The following ADK variants were observed in gnomAD, a reference collection of about 807,000 sequenced individuals.
The protein encoded by ADK is adenosine kinase.
Under a neutral mutation model 44.7 loss-of-function variants are expected in ADK, and 24 were observed. The observed-to-expected ratio is 0.54, with a 90% confidence interval of 0.39 to 0.76. The LOEUF (loss-of-function observed/expected upper bound fraction) is 0.76. Ranked by LOEUF, ADK falls within the 30% of genes least tolerant of loss-of-function variation. The pLI is 0.00. For missense variants in ADK, 321 were observed against 425.1 expected (o/e 0.76, Z 2.15); for synonymous variants, 128 against 142.6 (o/e 0.90, Z 0.73).
rs143065597 is a variant in ADK, at chr10:74,666,096, A to G, written c.878-4087A>G. Among the ~76,000 whole-genome samples, 768 of 152,314 alleles carry G rather than the reference A, an allele frequency of 5.0e-3. 8 individuals are homozygous for G. The highest frequency in any genetic ancestry group is 0.018 in the African/African-American group (730 of 41,566). On this transcript the variant is annotated intron_variant, in intron 9 of 10. Coordinates refer to ENST00000539909, the MANE Select transcript of ADK (RefSeq NM_006721.4). ...TGGATTTGTATTATTGTTCAATTAG[A>G]TATTGTGGCAATTGTAGAAACTTAA... is the stretch of plus-strand genomic sequence containing the variant.
At chr10:74,593,058 T>G (rs1181062338) in intron 8 of ADK, among the ~76,000 whole-genome samples, 2 of 152,184 alleles carry the variant, frequency 1.3e-5, no homozygotes, top group African/African-American at 4.8e-5. Context: ...CAGTGTTGAT[T>G]ACCAAAGAAT....
intron 7 of ADK, among the ~76,000 whole-genome samples, chr10:74,586,868 A>ATATATATAT (rs201524792): frequency 6.6e-6 from 1 of 150,592 alleles, no homozygotes; most frequent in African/African-American, 2.5e-5. Context: ...AAAAAAAAAA[A>ATATATATAT]ATATATATGT....
intron 4 of ADK, among the ~76,000 whole-genome samples, chr10:74,348,284 A>C (rs185728042): frequency 1.1e-3 from 166 of 152,298 alleles, no homozygotes; most frequent in African/African-American, 3.9e-3. Flanking sequence ...GGTGATACTC[A>C]GGCAAACAGG....
chr10:74,606,746 T>C (rs1223696300), intron 9 of ADK, among the ~76,000 whole-genome samples: 1 of 152,192 alleles, frequency 6.6e-6, no homozygotes, highest in Non-Finnish European at 1.5e-5. Context: ...AGATGTCTAT[T>C]AGGTCTGCTT....
intron 6 of ADK, among the ~76,000 whole-genome samples, chr10:74,429,396 A>G (rs1844903350): frequency 1.3e-5 from 2 of 152,232 alleles, no homozygotes; most frequent in African/African-American, 4.8e-5. Flanking sequence ...AACTTGCAAC[A>G]AACTATCCCA....
intron 3 of ADK, among the ~76,000 whole-genome samples, chr10:74,252,200 A>C (rs1429614385): frequency 6.6e-6 from 1 of 152,144 alleles, no homozygotes; most frequent in East Asian, 1.9e-4. Context: ...GGTCAGGATA[A>C]AACCAAAACA....
intron 6 of ADK, among the ~76,000 whole-genome samples, chr10:74,470,270 C>T (rs1437893156): frequency 9.9e-5 from 15 of 152,050 alleles, no homozygotes; most frequent in Non-Finnish European, 1.9e-4. Flanking sequence ...GGTGATCCGC[C>T]TTCCTTGGCC....
chr10:74,527,372 CAAAA>C (rs35990549), intron 7 of ADK, among the ~76,000 whole-genome samples: 1 of 138,610 alleles, frequency 7.2e-6, no homozygotes, highest in Non-Finnish European at 1.6e-5. Context: ...AACAAACAAA[CAAAA>C]AAAAAAAAAC....
At chr10:74,304,020 T>TA (rs1175834393) in intron 3 of ADK, among the ~76,000 whole-genome samples, 6 of 152,094 alleles carry the variant, frequency 3.9e-5, no homozygotes, top group Non-Finnish European at 8.8e-5. Context: ...AGCAGTAATG[T>TA]AAAAGTAATA....
chr10:74,593,360 C>T (rs555263094), intron 8 of ADK, among the ~76,000 whole-genome samples: 2 of 151,992 alleles, frequency 1.3e-5, no homozygotes, highest in East Asian at 3.9e-4. Context: ...TGATAGACCC[C>T]AAGACAAGGT....
intron 1 of ADK, among the ~76,000 whole-genome samples, chr10:74,178,196 C>G (rs1488638865): frequency 6.6e-6 from 1 of 152,070 alleles, no homozygotes; most frequent in African/African-American, 2.4e-5. Flanking sequence ...CCTGCCTTAG[C>G]CTCCCAAAGT....
intron 6 of ADK, among the ~76,000 whole-genome samples, chr10:74,469,043 A>AT (rs1846460502): frequency 6.6e-6 from 1 of 152,072 alleles, no homozygotes; most frequent in African/African-American, 2.4e-5. Flanking sequence ...ATATCATAAA[A>AT]TTTCCCACTT....
chr10:74,466,942 C>T (rs1451302209), intron 6 of ADK, among the ~76,000 whole-genome samples: 2 of 151,988 alleles, frequency 1.3e-5, no homozygotes, highest in Non-Finnish European at 2.9e-5. Flanking sequence ...AATTGCAGAT[C>T]TTTCCAAGAA....
intron 4 of ADK, among the ~76,000 whole-genome samples, chr10:74,373,464 A>G (rs1042959335): frequency 2.0e-5 from 3 of 152,186 alleles, no homozygotes; most frequent in Admixed American, 1.3e-4. Flanking sequence ...AGACTCAATA[A>G]TGATGAAAAG....
chr10:74,345,384 T>C (rs1841730838), intron 4 of ADK, among the ~76,000 whole-genome samples: 1 of 151,986 alleles, frequency 6.6e-6, no homozygotes, highest in Non-Finnish European at 1.5e-5. Context: ...TGCCACTCAC[T>C]GGAACCTCTG....
At chr10:74,686,606 C>G (rs73278312) in intron 10 of ADK, among the ~76,000 whole-genome samples, 456 of 152,304 alleles carry the variant, frequency 3.0e-3, no homozygotes, top group African/African-American at 0.01. Context: ...CTCAAGTATT[C>G]TGTTGTAGCA....
At chr10:74,182,599 C>G (rs1405028380) in intron 1 of ADK, among the ~76,000 whole-genome samples, 1 of 152,122 alleles carries the variant, frequency 6.6e-6, no homozygotes, top group Non-Finnish European at 1.5e-5. Context: ...GAACTTCTGA[C>G]CTCAGGTGAT....
At chr10:74,568,679 A>G (rs992536091) in intron 7 of ADK, among the ~76,000 whole-genome samples, 7 of 149,792 alleles carry the variant, frequency 4.7e-5, no homozygotes, top group South Asian at 2.1e-4. Flanking sequence ...TAATAAAAAT[A>G]TTTATTTGGT....
intron 6 of ADK, among the ~76,000 whole-genome samples, chr10:74,470,314 C>T (rs1244166674): frequency 1.3e-5 from 2 of 151,974 alleles, no homozygotes; most frequent in South Asian, 2.1e-4. Flanking sequence ...TGTGAGCCAC[C>T]GCGCCCAGCC....
Sources: allele counts gnomAD v4.1 joint callset (sites outside exome capture counted in the v4.1 genomes callset), GRCh38; gene constraint gnomAD v4.1.1; transcripts MANE v1.5; gene names NCBI Gene and HGNC (gene_info 2026-07-23, HGNC 2026-07-21).